Variants in GRAMD1B observed in about 807,000 individuals in gnomAD.
GRAMD1B encodes protein Aster-B.
GRAMD1B carries 37 observed loss-of-function variants against 99.7 expected under a neutral mutation model. The ratio of observed to expected loss-of-function variants is 0.37; its 90% CI spans 0.29 to 0.49. GRAMD1B has a LOEUF of 0.49. GRAMD1B is among the 20% of genes least tolerant of loss of function. GRAMD1B has a pLI of 0.98. For missense variants in GRAMD1B, 888 were observed against 1,009.2 expected (o/e 0.88, Z 1.63); for synonymous variants, 427 against 387.6 (o/e 1.10, Z -1.19).
intron 2 of GRAMD1B, among the ~76,000 whole-genome samples, chr11:123,528,138 TATCCCA>T (rs1297270307): frequency 6.6e-6 from 1 of 152,136 alleles, no homozygotes; most frequent in Non-Finnish European, 1.5e-5. Context: ...CCTTTGGCAG[TATCCCA>T]ACTGGTACTC....
intron 6 of GRAMD1B, among the ~76,000 whole-genome samples, chr11:123,595,401 C>G (rs1272820141): frequency 6.6e-6 from 1 of 151,968 alleles, no homozygotes; most frequent in East Asian, 1.9e-4. Context: ...TCAAGCGATT[C>G]TCCTGCCTCA....
chr11:123,406,191 T>A, intron 1 of GRAMD1B, among the ~76,000 whole-genome samples: 1 of 152,060 alleles, frequency 6.6e-6, no homozygotes, highest in East Asian at 1.9e-4. Flanking sequence ...CTCGAACTCC[T>A]GACTTCAAGT....
intron 2 of GRAMD1B, among the ~76,000 whole-genome samples, chr11:123,484,128 C>G (rs74423712): frequency 0.017 from 2,531 of 152,274 alleles, 79 homozygotes; most frequent in African/African-American, 0.057. Flanking sequence ...TCGCCCAGCA[C>G]AGCCACCTTC....
In GRAMD1B at chr11:123,517,414, T is replaced by C. The variant is rs1484281870; in HGVS notation, c.452+36521T>C. ...ATAGTGGTGGTTCTGTGGACATGGG[T>C]TGGGAATAATCACAGCAGTGGTGAA... On this transcript the variant is annotated intron_variant, in intron 2 of 19. Coordinates refer to ENST00000635736, the MANE Select transcript of GRAMD1B (RefSeq NM_001387025.1). Among the ~76,000 whole-genome samples, 3 of 152,060 alleles carry C rather than the reference T, an allele frequency of 2.0e-5. No homozygotes were observed. In the East Asian group the frequency reaches 5.8e-4, roughly 29 times the overall value.
intron 1 of GRAMD1B, among the ~76,000 whole-genome samples, chr11:123,469,211 T>C (rs2134632756): frequency 6.6e-6 from 1 of 152,204 alleles, no homozygotes; most frequent in East Asian, 1.9e-4. Context: ...CTGTTACTGC[T>C]CAGATAAGGA....
intron 1 of GRAMD1B, among the ~76,000 whole-genome samples, chr11:123,392,193 G>C (rs965400635): frequency 6.6e-6 from 1 of 152,060 alleles, no homozygotes; most frequent in African/African-American, 2.4e-5. Context: ...GAATGAGTAA[G>C]TTAGAAAGGG....
chr11:123,597,354 G>A (rs1951414449), intron 7 of GRAMD1B, among the ~76,000 whole-genome samples: 1 of 138,276 alleles, frequency 7.2e-6, no homozygotes, highest in South Asian at 2.4e-4. Flanking sequence ...AGCCTCCCAA[G>A]TAGCTGGGAC....
chr11:123,383,082 G>C (rs1207396040), intron 1 of GRAMD1B, among the ~76,000 whole-genome samples: 10 of 152,210 alleles, frequency 6.6e-5, no homozygotes, highest in Non-Finnish European at 1.2e-4. Context: ...TACACATGCA[G>C]AGTGGATCCA....
At chr11:123,520,580 G>C (rs554695529) in intron 2 of GRAMD1B, among the ~76,000 whole-genome samples, 6 of 151,828 alleles carry the variant, frequency 4.0e-5, no homozygotes, top group Admixed American at 1.3e-4. Flanking sequence ...AGAACAGCCT[G>C]GGCAACACAG....
intron 7 of GRAMD1B, among the ~76,000 whole-genome samples, chr11:123,597,621 G>A (rs1288403742): frequency 1.3e-5 from 2 of 151,972 alleles, no homozygotes; most frequent in Non-Finnish European, 2.9e-5. Flanking sequence ...AGCATAACAG[G>A]TGCCCATTAA....
chr11:123,559,661 A>G, intron 2 of GRAMD1B: 2 of 984,764 alleles, frequency 2.0e-6, no homozygotes, highest in Non-Finnish European at 2.4e-6. Flanking sequence ...TTAGAATTAG[A>G]AGACCCAGAC....
intron 1 of GRAMD1B, among the ~76,000 whole-genome samples, chr11:123,384,663 G>A (rs1168809090): frequency 1.3e-5 from 2 of 152,166 alleles, no homozygotes; most frequent in Non-Finnish European, 1.5e-5. Context: ...TAAAGTGTTA[G>A]CAAATACTAC....
chr11:123,560,560 C>T, intron 2 of GRAMD1B: 1 of 848,194 alleles, frequency 1.2e-6, no homozygotes, highest in Non-Finnish European at 1.7e-6. Flanking sequence ...AGGGCCCCCG[C>T]TCCCCGCCCC....
At chr11:123,482,287 C>T (rs1034078660) in intron 2 of GRAMD1B, among the ~76,000 whole-genome samples, 4 of 151,864 alleles carry the variant, frequency 2.6e-5, no homozygotes, top group Non-Finnish European at 4.4e-5. Flanking sequence ...TTAGTAGAGA[C>T]GGGGCTTCCC....
chr11:123,453,468 C>A (rs1949979190), intron 1 of GRAMD1B, among the ~76,000 whole-genome samples: 2 of 152,100 alleles, frequency 1.3e-5, no homozygotes, highest in Non-Finnish European at 2.9e-5. Flanking sequence ...AGGCACGCGC[C>A]ACCACACACA....
intron 2 of GRAMD1B, among the ~76,000 whole-genome samples, chr11:123,560,072 C>CA (rs1003985864): frequency 4.0e-5 from 6 of 150,566 alleles, no homozygotes; most frequent in Admixed American, 1.3e-4. Context: ...ATAACCCCCC[C>CA]CCCCGCAGCC....
At chr11:123,583,521 G>A (rs1469284689) in intron 3 of GRAMD1B, among the ~76,000 whole-genome samples, 1 of 152,166 alleles carries the variant, frequency 6.6e-6, no homozygotes, top group Non-Finnish European at 1.5e-5. Flanking sequence ...TTTCAAGGGG[G>A]ATGTACATGA....
chr11:123,548,325 T>TATATATACAC (rs1555067740), intron 2 of GRAMD1B, among the ~76,000 whole-genome samples: 13 of 86,900 alleles, frequency 1.5e-4, no homozygotes, highest in African/African-American at 6.1e-4. Flanking sequence ...TATATATATA[T>TATATATACAC]ACACACACAC....
intron 2 of GRAMD1B, among the ~76,000 whole-genome samples, chr11:123,500,880 G>T (rs1024799439): frequency 1.3e-5 from 2 of 151,956 alleles, no homozygotes; most frequent in Non-Finnish European, 2.9e-5. Flanking sequence ...CACCATGTTG[G>T]CCAGGCTGAT....
Sources: gnomAD v4.1 joint callset for allele counts (sites outside exome capture counted in the v4.1 genomes callset) on GRCh38, gnomAD v4.1.1 for gene constraint, MANE v1.5 for transcripts, NCBI Gene and HGNC (gene_info 2026-07-23, HGNC 2026-07-21) for gene names.